SRBD1: variants seen among roughly 807,000 people sequenced by gnomAD.
The protein encoded by SRBD1 is S1 RNA-binding domain-containing protein 1.
Under a neutral mutation model 115.3 loss-of-function variants are expected in SRBD1, and 88 were observed. The ratio of observed to expected loss-of-function variants is 0.76; its 90% CI spans 0.64 to 0.91. The LOEUF is 0.91. Among genes scored for constraint, SRBD1 ranks in the 40% least tolerant of loss-of-function variants. The pLI is 0.00. For missense variants in SRBD1, 1,385 were observed against 1,177.4 expected, an observed-to-expected ratio of 1.18 and a Z score of -2.58; for synonymous variants, 509 against 407.7, an observed-to-expected ratio of 1.25 and a Z score of -2.99.
intron 16 of SRBD1, among the ~76,000 whole-genome samples, chr2:45,457,626 G>C (rs375806048): frequency 2.6e-5 from 4 of 151,908 alleles, no homozygotes; most frequent in African/African-American, 9.7e-5. Flanking sequence ...AGTAATATAA[G>C]AAATGTCATT....
chr2:45,562,218 G>T (rs1254607373), intron 10 of SRBD1, among the ~76,000 whole-genome samples: 1 of 151,820 alleles, frequency 6.6e-6, no homozygotes, highest in Non-Finnish European at 1.5e-5. Flanking sequence ...GTTATTGGTG[G>T]GTTTTTTGTT....
chr2:45,449,573 T>G (rs1411923205), intron 16 of SRBD1, among the ~76,000 whole-genome samples: 2 of 152,182 alleles, frequency 1.3e-5, no homozygotes, highest in Non-Finnish European at 2.9e-5. Flanking sequence ...CTAAGCTGTA[T>G]GATAACAAGG....
intron 16 of SRBD1, among the ~76,000 whole-genome samples, chr2:45,453,662 A>G (rs969281172): frequency 2.6e-5 from 4 of 151,938 alleles, no homozygotes; most frequent in Admixed American, 6.6e-5. Context: ...TATAAAAATT[A>G]CAAACTTAAA....
At chr2:45,467,090 C>T (rs541341020) in intron 16 of SRBD1, among the ~76,000 whole-genome samples, 1 of 152,326 alleles carries the variant, frequency 6.6e-6, no homozygotes, top group Admixed American at 6.5e-5. Context: ...TCCAATCCCC[C>T]TGAATTTCTG....
At chr2:45,601,314 G>A (rs551020036) in intron 3 of SRBD1, among the ~76,000 whole-genome samples, 20 of 152,282 alleles carry the variant, frequency 1.3e-4, no homozygotes, top group African/African-American at 4.3e-4. Flanking sequence ...CAAGGAGAAC[G>A]AAATGCTGGC....
Position 45,585,562 on chromosome 2 carries a change from G to A in SRBD1, c.815+46C>T, listed in dbSNP as rs187919230. On this transcript the variant is annotated intron_variant, in intron 5 of 20. Transcript: ENST00000263736. The stretch of plus-strand genomic sequence containing the variant: ...ATTCACTTTCTCACTGTTCCTCATT[G>A]GCCTTTTCCCCTTACACTAGGCTTA... 3,373 of 1,561,052 alleles carry A rather than the reference G, an allele frequency of 2.2e-3. 13 individuals are homozygous for A. The highest frequency in any genetic ancestry group is 2.3e-3 in the Non-Finnish European group (2,706 of 1,157,514).
chr2:45,598,696 G>A (rs916428044), intron 4 of SRBD1, among the ~76,000 whole-genome samples: 1 of 152,242 alleles, frequency 6.6e-6, no homozygotes, highest in South Asian at 2.1e-4. Context: ...GTCCCAGATT[G>A]AGAAGTGGAA....
At chr2:45,391,723 T>C (rs1016540286) in intron 20 of SRBD1, among the ~76,000 whole-genome samples, 2 of 152,306 alleles carry the variant, frequency 1.3e-5, no homozygotes, top group South Asian at 2.1e-4. Context: ...GCTCAACAAC[T>C]TGGTAGTTTA....
intron 14 of SRBD1, among the ~76,000 whole-genome samples, chr2:45,544,818 AC>A (rs774870771): frequency 4.0e-4 from 61 of 152,332 alleles, no homozygotes; most frequent in Middle Eastern, 3.4e-3. Flanking sequence ...TCATAAAAAA[AC>A]ATATTGTTTA....
In SRBD1 at chr2:45,575,994, G is replaced by C. The variant is rs187753724; in HGVS notation, c.1073-1271C>G. 4.6e-5 allele frequency among the ~76,000 whole-genome samples: 7 copies of C among 152,258 alleles called. No individual in the cohort carries two copies. In the East Asian group the frequency reaches 1.4e-3, roughly 29 times the overall value. ...GTTGGGATTACAGGCGTGAGCCACT[G>C]CACCAGTCTGCACTTCTACATGGAT... is the stretch of plus-strand genomic sequence containing the variant. On this transcript the variant is annotated intron_variant, in intron 7 of 20. Transcript: ENST00000263736.
At chr2:45,487,855 T>C (rs1670167725) in intron 15 of SRBD1, among the ~76,000 whole-genome samples, 1 of 152,058 alleles carries the variant, frequency 6.6e-6, no homozygotes, top group Non-Finnish European at 1.5e-5. Flanking sequence ...AGTTTCACCA[T>C]CTTGGCCAGG....
intron 14 of SRBD1, among the ~76,000 whole-genome samples, chr2:45,526,903 G>T (rs1261927103): frequency 6.6e-6 from 1 of 151,788 alleles, no homozygotes; most frequent in Non-Finnish European, 1.5e-5. Flanking sequence ...GCTACGGAGG[G>T]GAAGACAAGA....
chr2:45,466,891 CAA>C (rs1669504900), intron 16 of SRBD1, among the ~76,000 whole-genome samples: 1 of 152,150 alleles, frequency 6.6e-6, no homozygotes, highest in Admixed American at 6.5e-5. Context: ...TCTTGTTAAT[CAA>C]AACAGACCAG....
intron 14 of SRBD1, among the ~76,000 whole-genome samples, chr2:45,528,500 A>G (rs1671516547): frequency 6.6e-6 from 1 of 151,874 alleles, no homozygotes; most frequent in African/African-American, 2.4e-5. Flanking sequence ...AGAATTTAAA[A>G]AACACATAAA....
chr2:45,493,458 A>G (rs1670359998), intron 14 of SRBD1, among the ~76,000 whole-genome samples: 1 of 152,204 alleles, frequency 6.6e-6, no homozygotes, highest in African/African-American at 2.4e-5. Flanking sequence ...AAATTCTTTT[A>G]TGTAATGATG....
intron 9 of SRBD1, among the ~76,000 whole-genome samples, chr2:45,571,520 A>AAAAAAAAAAAAAAAAAAAC (rs1558486220): frequency 1.7e-5 from 2 of 116,944 alleles, no homozygotes; most frequent in African/African-American, 9.9e-5. Flanking sequence ...ACTTTACCAA[A>AAAAAAAAAAAAAAAAAAAC]AAAAAAAAAA....
At chr2:45,535,326 A>G (rs1572745498) in intron 14 of SRBD1, among the ~76,000 whole-genome samples, 1 of 152,038 alleles carries the variant, frequency 6.6e-6, no homozygotes. Context: ...CCTAACAGAA[A>G]ATGAAATAGG....
intron 14 of SRBD1, among the ~76,000 whole-genome samples, chr2:45,511,247 G>A (rs561981557): frequency 2.0e-5 from 3 of 152,102 alleles, no homozygotes; most frequent in Non-Finnish European, 4.4e-5. Flanking sequence ...TTGTTGTTTC[G>A]CCAAAGCTGC....
chr2:45,436,238 T>G (rs2343477), intron 16 of SRBD1, among the ~76,000 whole-genome samples: 7,313 of 152,076 alleles, frequency 0.048, 545 homozygotes, highest in African/African-American at 0.16. Context: ...CTCAATAAAC[T>G]AAGAACAAAC....
Sources: allele counts gnomAD v4.1 joint callset (sites outside exome capture counted in the v4.1 genomes callset), GRCh38; gene constraint gnomAD v4.1.1; transcripts MANE v1.5; gene names NCBI Gene and HGNC (gene_info 2026-07-23, HGNC 2026-07-21).